FSHR: variants seen among roughly 807,000 people sequenced by gnomAD.
FSHR encodes follicle-stimulating hormone receptor.
A neutral mutation model predicts 52.1 loss-of-function variants in FSHR; 46 were observed. The observed-to-expected ratio is 0.88, with a 90% CI of 0.70 to 1.13. FSHR has a LOEUF of 1.13. FSHR is among the 50% of genes most tolerant of loss of function. The probability of loss-of-function intolerance (pLI) is 0.00; values close to 1 mark genes in which losing one functional copy is unlikely to be tolerated. For missense variants in FSHR, 964 were observed against 834.6 expected, an observed-to-expected ratio of 1.16 and a Z score of -1.91; for synonymous variants, 399 against 309.6, an observed-to-expected ratio of 1.29 and a Z score of -3.03.
At chr2:48,986,051 A>G (rs533413092) in intron 6 of FSHR, among the ~76,000 whole-genome samples, 46 of 152,306 alleles carry the variant, frequency 3.0e-4, no homozygotes, top group African/African-American at 1.1e-3. Flanking sequence ...TCTGCACGTC[A>G]TGGGGTTTGG....
chr2:49,030,996 A>T (rs909126245), intron 2 of FSHR, among the ~76,000 whole-genome samples: 1 of 152,206 alleles, frequency 6.6e-6, no homozygotes, highest in African/African-American at 2.4e-5. Flanking sequence ...AGAAGACTGG[A>T]TTATTTTTTA....
rs898815794 is a variant in FSHR at position 49,013,320 on chromosome 2, T to C, written c.374+4169A>G. Among the ~76,000 whole-genome samples, 12 of 151,694 alleles carry C rather than the reference T, an allele frequency of 7.9e-5. No individual in the cohort carries two copies. The East Asian group carries it at 1.4e-3, about 17-fold the overall frequency. Reference sequence around the variant, plus strand: ...TGTTATGGTAGCCCAAGCTAACTAGTGTGAGGTGGAAGCTTAATTAGGTTT... The same window carrying C: ...TGTTATGGTAGCCCAAGCTAACTAGCGTGAGGTGGAAGCTTAATTAGGTTT... On this transcript the variant is annotated intron_variant, in intron 4 of 9. Coordinates refer to ENST00000406846, the MANE Select transcript of FSHR (RefSeq NM_000145.4).
At position 49,027,303 on chromosome 2, in the gene FSHR, T is replaced by A. The variant is rs148836134; in HGVS notation, c.225-7143A>T. Among the ~76,000 whole-genome samples the A allele has an allele frequency of 1.5e-3, 229 of 152,330 alleles. 3 individuals carry two copies. In the South Asian group the frequency reaches 0.015, roughly 10 times the overall value. ...TGACTCCGGAGTGGTTTGATGTTGG[T>A]CATAGGTCATCTGTTTTCAAATGAA... On this transcript the variant is annotated intron_variant, in intron 2 of 9. Coordinates refer to ENST00000406846, the MANE Select transcript of FSHR (RefSeq NM_000145.4).
At chr2:48,977,097 A>G (rs1009602277) in intron 8 of FSHR, among the ~76,000 whole-genome samples, 1 of 149,982 alleles carries the variant, frequency 6.7e-6, no homozygotes, top group East Asian at 2.0e-4. Flanking sequence ...AACTTAAAAT[A>G]TAATAATAAT....
chr2:49,115,684 C>T (rs1276107780), intron 1 of FSHR, among the ~76,000 whole-genome samples: 1 of 152,076 alleles, frequency 6.6e-6, no homozygotes, highest in Non-Finnish European at 1.5e-5. Flanking sequence ...AGAAATCATG[C>T]TGTCATGATC....
rs1277406645 is a variant in FSHR at position 49,154,485 on chromosome 2, C to T, written c.-68G>A. On this transcript the variant is annotated 5_prime_UTR_variant, in exon 1 of 10. Transcript: ENST00000406846. ...GAAAAACCTCCACAGATCTCAGAAG[C>T]TCCACACAGTGCCCTTATGAGAAGA... 2.0e-6 allele frequency: 3 copies of T among 1,529,054 alleles called. No individual in the cohort carries two copies. In the African/African-American group the frequency reaches 4.1e-5, roughly 21 times the overall value. The allele number at this position is 1,529,054 out of a possible 1,614,324, so 94.7% of individuals were successfully genotyped here.
chr2:48,969,949 C>A (rs1348532572), intron 8 of FSHR, among the ~76,000 whole-genome samples: 1 of 152,164 alleles, frequency 6.6e-6, no homozygotes, highest in Non-Finnish European at 1.5e-5. Context: ...TGAGTGGGTA[C>A]TTCTGATGGG....
intron 1 of FSHR, among the ~76,000 whole-genome samples, chr2:49,131,063 T>G (rs1413628498): frequency 6.6e-6 from 1 of 152,098 alleles, no homozygotes; most frequent in Non-Finnish European, 1.5e-5. Context: ...GATGCAAAAA[T>G]AAAATTAGAT....
intron 7 of FSHR, 43 bp downstream of exon 7, chr2:48,983,055 A>G (rs1335966132): frequency 1.2e-6 from 2 of 1,610,698 alleles, no homozygotes; most frequent in Admixed American, 1.7e-5. Context: ...TGTAAGAGCC[A>G]TTTCCCTTTA....
chr2:49,152,682 C>G (rs185039748), intron 1 of FSHR, among the ~76,000 whole-genome samples: 18 of 152,130 alleles, frequency 1.2e-4, no homozygotes, highest in African/African-American at 4.3e-4. Context: ...CTGGATGACA[C>G]TGCTTGACCC....
intron 1 of FSHR, among the ~76,000 whole-genome samples, chr2:49,073,717 A>T (rs1054575851): frequency 4.6e-5 from 7 of 152,160 alleles, no homozygotes; most frequent in African/African-American, 1.7e-4. Flanking sequence ...ACCACAAAAG[A>T]TACTGAATAA....
chr2:49,017,883 A>C (rs576584257), intron 3 of FSHR, among the ~76,000 whole-genome samples: 3 of 152,152 alleles, frequency 2.0e-5, no homozygotes, highest in Admixed American at 6.6e-5. Context: ...TGCATCTTTA[A>C]CCAGTAAGAA....
intron 4 of FSHR, among the ~76,000 whole-genome samples, chr2:48,991,985 G>A (rs10186089): frequency 0.15 from 23,023 of 151,342 alleles, 1,945 homozygotes; most frequent in East Asian, 0.28. Flanking sequence ...GGAAGTGAAT[G>A]CAGTCTATGG....
intron 1 of FSHR, among the ~76,000 whole-genome samples, chr2:49,108,720 G>C (rs183420259): frequency 3.7e-4 from 57 of 152,268 alleles, no homozygotes; most frequent in African/African-American, 1.3e-3. Flanking sequence ...TGGCTTTTGA[G>C]AACATTTAGA....
intron 1 of FSHR, among the ~76,000 whole-genome samples, chr2:49,117,133 G>C (rs1044773427): frequency 1.3e-5 from 2 of 152,132 alleles, no homozygotes; most frequent in Non-Finnish European, 1.5e-5. Context: ...AAGAAAAAAA[G>C]GTTCACAGGA....
At chr2:49,148,618 G>A (rs540695901) in intron 1 of FSHR, among the ~76,000 whole-genome samples, 9 of 152,158 alleles carry the variant, frequency 5.9e-5, no homozygotes, top group Non-Finnish European at 1.2e-4. Flanking sequence ...GATTAAGTGT[G>A]AAATGAACTG....
intron 1 of FSHR, among the ~76,000 whole-genome samples, chr2:49,072,877 CT>C (rs1669787776): frequency 2.0e-5 from 3 of 152,252 alleles, no homozygotes; most frequent in African/African-American, 7.2e-5. Flanking sequence ...GGATTTACCA[CT>C]TAACATTGTA....
At chr2:49,126,091 G>C (rs1671986042) in intron 1 of FSHR, among the ~76,000 whole-genome samples, 1 of 152,184 alleles carries the variant, frequency 6.6e-6, no homozygotes, top group African/African-American at 2.4e-5. Context: ...AAGCAGTAAA[G>C]GATCCGTGGA....
At chr2:49,132,103 C>A (rs1402005028) in intron 1 of FSHR, among the ~76,000 whole-genome samples, 1 of 152,186 alleles carries the variant, frequency 6.6e-6, no homozygotes, top group Non-Finnish European at 1.5e-5. Flanking sequence ...TAAATCCCAG[C>A]AAGTGGCTGT....
Sources: allele counts gnomAD v4.1 joint callset (sites outside exome capture counted in the v4.1 genomes callset), GRCh38; gene constraint gnomAD v4.1.1; transcripts MANE v1.5; gene names NCBI Gene and HGNC (gene_info 2026-07-23, HGNC 2026-07-21).